Variants in KLHL5 observed in about 807,000 individuals in gnomAD.
KLHL5 encodes kelch-like protein 5.
Under a neutral mutation model 77.7 loss-of-function variants are expected in KLHL5, and 48 were observed. The ratio of observed to expected loss-of-function variants is 0.62; its 90% CI spans 0.49 to 0.79. KLHL5 has a LOEUF of 0.79. Among genes scored for constraint, KLHL5 ranks in the 30% least tolerant of loss-of-function variants. KLHL5 has a pLI of 0.00. For synonymous variants in KLHL5, 260 were observed against 297.0 expected (o/e 0.88, Z 1.28); for missense variants, 723 against 859.7 (o/e 0.84, Z 1.99).
intron 1 of KLHL5, among the ~76,000 whole-genome samples, chr4:39,054,000 A>G (rs998560367): frequency 6.6e-6 from 1 of 152,152 alleles, no homozygotes; most frequent in Non-Finnish European, 1.5e-5. Context: ...GATGAACTTA[A>G]TTTAAGTTTC....
chr4:39,138,169 T>G, the KLHL5 span, among the ~76,000 whole-genome samples: 1 of 152,126 alleles, frequency 6.6e-6, no homozygotes. Context: ...GTAAATTAGT[T>G]CAGCCATTGT....
At chr4:39,131,085 T>C (rs1257773775), downstream of KLHL5, among the ~76,000 whole-genome samples, 2 of 150,264 alleles carry the variant, frequency 1.3e-5, no homozygotes, top group African/African-American at 4.9e-5. Context: ...ACTCCTGGAC[T>C]CAAGAGATCT....
rs369144902 is a variant in KLHL5 at position 39,054,290 on chromosome 4, A to G, written c.-94-8269A>G. 1.1e-4 allele frequency among the ~76,000 whole-genome samples: 16 copies of G among 152,334 alleles called. No individual in the cohort carries two copies. In the East Asian group the frequency reaches 2.5e-3, roughly 24 times the overall value. On this transcript the variant is annotated intron_variant, in intron 1 of 11. Coordinates refer to the KLHL5 transcript ENST00000261425. ...GAAGCACTGTGGTGTATTCGAAAGT[A>G]TATGGTTTTTAGGGTCCATCCTGGA... is the stretch of plus-strand genomic sequence containing the variant.
Position 39,063,030 on chromosome 4 carries a change from A to G in KLHL5, c.378A>G (p.Ser126=), listed in dbSNP as rs1717577046. The change falls in exon 1 of 11, where the codon TCA becomes TCG. Residue 126 remains serine, a synonymous_variant. Transcript: ENST00000504108. ...SEEENESDSS[S]CRTSNSSQTL... Reference sequence around the variant, plus strand: ...AAGAAAATGAATCTGATTCCAGTTCATGCAGGTTGATTATTTTCTTACTGT... The same window carrying G: ...AAGAAAATGAATCTGATTCCAGTTCGTGCAGGTTGATTATTTTCTTACTGT... 6.2e-7 allele frequency: 1 copy of G among 1,609,410 alleles called. No homozygotes were observed. Among genetic ancestry groups the G allele is most frequent in the African/African-American group, 1.3e-5 (1 of 74,796 alleles).
chr4:39,086,819 GA>G, intron 5 of KLHL5, 92 bp downstream of exon 5: 1 of 862,534 alleles, frequency 1.2e-6, no homozygotes, highest in Non-Finnish European at 1.8e-6. Context: ...ACGTGTAGGT[GA>G]AAAGATAGTG....
At position 39,049,917 on chromosome 4, in the gene KLHL5, C is replaced by CA. The variant is rs1194878729; in HGVS notation, c.-95+4827dup. On this transcript the variant is annotated intron_variant, in intron 1 of 11. Transcript: ENST00000261425. ...TGAAACCACATCTCTACTAAAATTACAAAAAATATTAGCTGGGCATCATGG... is the reference window on the plus strand; with the variant it reads ...TGAAACCACATCTCTACTAAAATTACAAAAAAATATTAGCTGGGCATCATGG... Among the ~76,000 whole-genome samples the CA allele has an allele frequency of 4.0e-5, 6 of 151,370 alleles. No homozygotes were observed. In the South Asian group the frequency reaches 8.3e-4, roughly 21 times the overall value.
intron 2 of KLHL5, among the ~76,000 whole-genome samples, chr4:39,077,399 T>C (rs1040288454): frequency 2.0e-5 from 3 of 151,958 alleles, no homozygotes; most frequent in Non-Finnish European, 4.4e-5. Context: ...GAGGCAGAGC[T>C]TGCAGTGAGC....
chr4:39,061,519 G>T (rs1369058915), upstream of KLHL5, among the ~76,000 whole-genome samples: 1 of 152,158 alleles, frequency 6.6e-6, no homozygotes, highest in Admixed American at 6.6e-5. Flanking sequence ...CTGTGTCCCT[G>T]ACAATGCCTA....
chr4:39,106,931 T>C (rs1049339972), intron 7 of KLHL5, among the ~76,000 whole-genome samples: 1 of 151,646 alleles, frequency 6.6e-6, no homozygotes, highest in Non-Finnish European at 1.5e-5. Flanking sequence ...TTTGTAGAGA[T>C]GGCACTCTTG....
chr4:39,062,879 T>A lies in KLHL5; in HGVS notation c.227T>A (p.Phe76Tyr). 6.2e-7 allele frequency: 1 copy of A among 1,614,178 alleles called. No homozygotes were observed. The highest frequency in any genetic ancestry group is 8.5e-7 in the Non-Finnish European group (1 of 1,180,018). Residue 76 changes from phenylalanine to tyrosine, a missense_variant, in exon 1 of 11, where the codon TTT becomes TAT. This residue lies in a region of KLHL5 where 221 missense variants were observed against 222.1 expected (regional missense o/e 1.00). Coordinates refer to ENST00000504108, the MANE Select transcript of KLHL5 (RefSeq NM_015990.5). ...IGYRRSSQLD[F>Y]QNSPSWPMAS... The stretch of plus-strand genomic sequence containing the variant: ...TACCGAAGGTCCAGCCAACTGGATT[T>A]TCAGAATTCACCTTCTTGGCCAATG...
rs767347386 is a variant in KLHL5 at position 39,071,683 on chromosome 4, A to G, written c.384-4282A>G. 5.3e-5 allele frequency among the ~76,000 whole-genome samples: 8 copies of G among 152,330 alleles called. No homozygotes were observed. In the Middle Eastern group the frequency reaches 0.01, roughly 194 times the overall value. On this transcript the variant is annotated intron_variant, in intron 1 of 10. Transcript: ENST00000504108. ...AGTTTCTAACTGGTGCAGTGCTGCAACATTAATAGTTGCTCTGTGAATAGT... is the reference window on the plus strand; with the variant it reads ...AGTTTCTAACTGGTGCAGTGCTGCAGCATTAATAGTTGCTCTGTGAATAGT...
intron 9 of KLHL5, among the ~76,000 whole-genome samples, chr4:39,113,882 G>A (rs1379945216): frequency 1.3e-5 from 2 of 152,178 alleles, no homozygotes; most frequent in Non-Finnish European, 2.9e-5. Flanking sequence ...GCAGGGTGGT[G>A]CAGATCATCT....
At chr4:39,074,372 T>C (rs1385344839) in intron 1 of KLHL5, among the ~76,000 whole-genome samples, 4 of 152,250 alleles carry the variant, frequency 2.6e-5, no homozygotes, top group Non-Finnish European at 5.9e-5. Flanking sequence ...TGAGTGTTCT[T>C]GCTTGAGTTA....
chr4:39,106,998 C>G (rs1722083949), intron 7 of KLHL5, among the ~76,000 whole-genome samples: 1 of 151,026 alleles, frequency 6.6e-6, no homozygotes, highest in Non-Finnish European at 1.5e-5. Flanking sequence ...TCTCAGAGCT[C>G]TGGGATTACA....
chr4:39,048,637 G>GTTTTTTTTTTTT (rs1577617588), intron 1 of KLHL5, among the ~76,000 whole-genome samples: 1 of 48,724 alleles, frequency 2.1e-5, no homozygotes, highest in African/African-American at 8.2e-5. Context: ...TTTTACATTG[G>GTTTTTTTTTTTT]CTTTTTTTTT....
At chr4:39,061,749 G>C (rs915852922), upstream of KLHL5, among the ~76,000 whole-genome samples, 1 of 152,178 alleles carries the variant, frequency 6.6e-6, no homozygotes, top group Admixed American at 6.5e-5. Flanking sequence ...ATAGAAATTT[G>C]GATGTTACAC....
At chr4:39,140,014 C>T in the KLHL5 span, among the ~76,000 whole-genome samples, 8 of 152,112 alleles carry the variant, frequency 5.3e-5, no homozygotes, top group Admixed American at 2.0e-4. Context: ...ATCACTTAAG[C>T]TCAGGAGTTC....
intron 6 of KLHL5, among the ~76,000 whole-genome samples, chr4:39,098,135 CAAAAAA>C (rs571749349): frequency 5.7e-5 from 4 of 70,774 alleles, no homozygotes; most frequent in African/African-American, 1.8e-4. Flanking sequence ...GAATCCATCT[CAAAAAA>C]AAAAAAAAAA....
At chr4:39,142,418 T>C in the KLHL5 span, among the ~76,000 whole-genome samples, 1 of 151,916 alleles carries the variant, frequency 6.6e-6, no homozygotes, top group South Asian at 2.1e-4. Flanking sequence ...AAGATTTATT[T>C]AGAGAAATGT....
Sources: gnomAD v4.1 joint callset for allele counts (sites outside exome capture counted in the v4.1 genomes callset) on GRCh38, gnomAD v4.1.1 for gene constraint, gnomAD v4.1.1 regional missense constraint, MANE v1.5 for transcripts, NCBI Gene and HGNC (gene_info 2026-07-23, HGNC 2026-07-21) for gene names.